ERCC2: variants seen among roughly 807,000 people sequenced by gnomAD.
The protein encoded by ERCC2 is ERCC excision repair 2, TFIIH core complex helicase subunit.
A neutral mutation model predicts 99.4 loss-of-function variants in ERCC2; 90 were observed. That is an observed-to-expected ratio of 0.91 (90% CI 0.76 to 1.08). The LOEUF (loss-of-function observed/expected upper bound fraction) is 1.08, where lower values mean the gene tolerates loss of function less well. ERCC2 is among the 50% of genes least tolerant of loss of function. The probability of loss-of-function intolerance (pLI) is 0.00; values close to 1 mark genes in which losing one functional copy is unlikely to be tolerated. For synonymous variants in ERCC2, 497 were observed against 432.4 expected (o/e 1.15, Z -1.85); for missense variants, 993 against 1,038.1 (o/e 0.96, Z 0.60).
intron 2 of ERCC2, 71 bp downstream of exon 2, chr19:45,370,062 C>G: frequency 7.0e-7 from 1 of 1,426,162 alleles, no homozygotes; most frequent in Non-Finnish European, 9.8e-7. Flanking sequence ...AGACGTCCTG[C>G]AATCTGTCTT....
chr19:45,350,333 C>A lies in ERCC2; in HGVS notation c.*1296G>T. ...CCGAAAAGTTCCCAGACACTCCCTT[C>A]TCCGCAGGCCTCAGCCTACCTGAAA... is the stretch of plus-strand genomic sequence containing the variant. On this transcript the variant is annotated 3_prime_UTR_variant, in exon 23 of 23. Transcript: ENST00000391945. 6.2e-7 allele frequency: 1 copy of A among 1,612,190 alleles called. No individual in the cohort carries two copies. Among genetic ancestry groups the A allele is most frequent in the East Asian group, 2.2e-5 (1 of 44,844 alleles).
chr19:45,360,760 C>T (rs1972191561), intron 12 of ERCC2, among the ~76,000 whole-genome samples: 2 of 152,256 alleles, frequency 1.3e-5, no homozygotes, highest in South Asian at 4.1e-4. Context: ...CTCAGGTCAT[C>T]TGCCTGCCTA....
rs1568531975 is a variant in ERCC2, at chr19:45,352,740, ACT to A, written c.1902+4_1902+5del. 1 of 1,613,744 alleles carries A rather than the reference ACT, an allele frequency of 6.2e-7. No individual in the cohort carries two copies. Among genetic ancestry groups the A allele is most frequent in the South Asian group, 1.1e-5 (1 of 91,070 alleles). ...GTGGGACTCCCTGGGAGACAGAGCT[ACT>A]CACCTTGAGAATGCGGCTCTGTGTG... On this transcript the variant is annotated splice_donor_5th_base_variant and intron_variant, in intron 20 of 22. Transcript: ENST00000391945.
At chr19:45,361,008 G>A (rs1376529489) in intron 12 of ERCC2, among the ~76,000 whole-genome samples, 1 of 152,040 alleles carries the variant, frequency 6.6e-6, no homozygotes, top group African/African-American at 2.4e-5. Context: ...GCATGCGCCT[G>A]TAGTCCCAGA....
chr19:45,362,787 A>C (rs1337269781), intron 11 of ERCC2, among the ~76,000 whole-genome samples: 1 of 152,188 alleles, frequency 6.6e-6, no homozygotes, highest in Non-Finnish European at 1.5e-5. Flanking sequence ...CCCACATGGA[A>C]GGTGGCCTCA....
rs1037671937 is a variant in ERCC2 at position 45,351,562 on chromosome 19, G to A, written c.*67C>T. The A allele has an allele frequency of 6.2e-5, 100 of 1,608,974 alleles. No homozygotes were observed. The highest frequency in any genetic ancestry group is 8.0e-5 in the African/African-American group (6 of 74,900). On this transcript the variant is annotated 3_prime_UTR_variant, in exon 23 of 23. Transcript: ENST00000391945. ...CATAAGACCTTCTAGCACCACCGCC[G>A]CTGGGAACCAGGGCCAGGCAAGACT...
At chr19:45,360,226 GCC>G (rs1568538901) in intron 12 of ERCC2, among the ~76,000 whole-genome samples, 1 of 151,174 alleles carries the variant, frequency 6.6e-6, no homozygotes, top group East Asian at 1.9e-4. Flanking sequence ...GACTACAGGC[GCC>G]CGCCACCACG....
chr19:45,355,576 A>G (rs1278072212), intron 16 of ERCC2, 89 bp downstream of exon 16: 1 of 1,169,368 alleles, frequency 8.6e-7, no homozygotes, highest in Non-Finnish European at 1.3e-6. Flanking sequence ...AAGGCCAGGG[A>G]TATTTGTTAC....
At chr19:45,370,299 GTCGTC>G in intron 1 of ERCC2, 67 bp from the exon 2 acceptor site, 19 of 1,585,814 alleles carry the variant, frequency 1.2e-5, no homozygotes, top group Non-Finnish European at 1.6e-5. Context: ...ACAGTGCCCG[GTCGTC>G]GAGCCCAGAG....
Position 45,351,026 on chromosome 19 carries a change from G to A in ERCC2, c.*603C>T, listed in dbSNP as rs1971736274. On this transcript the variant is annotated 3_prime_UTR_variant, in exon 23 of 23. Coordinates refer to ENST00000391945, the MANE Select transcript of ERCC2 (RefSeq NM_000400.4). ...GGGCTCCTGGGACTCAGGTGAGGGG[G>A]ACATCTGGGTCAAAAATAGAGGAGG... is the stretch of plus-strand genomic sequence containing the variant. 2 of 1,614,110 alleles carry A rather than the reference G, an allele frequency of 1.2e-6. No individual in the cohort carries two copies. The highest frequency in any genetic ancestry group is 1.7e-6 in the Non-Finnish European group (2 of 1,180,002).
rs1444441690 is a variant in ERCC2, at chr19:45,369,192, C to G, written c.106-45G>C. The G allele has an allele frequency of 5.9e-6, 9 of 1,535,102 alleles. No individual in the cohort carries two copies. In the Admixed American group the frequency reaches 1.5e-4, roughly 26 times the overall value. ...GGGGCAACACACAGGGTCTCAGAAC[C>G]TTGGGCACACAAACTCTGGGGACTC... On this transcript the variant is annotated intron_variant, in intron 2 of 22. Coordinates refer to ENST00000391945, the MANE Select transcript of ERCC2 (RefSeq NM_000400.4).
intron 12 of ERCC2, 21 bp from the exon 13 acceptor site, chr19:45,357,720 G>C: frequency 1.2e-6 from 2 of 1,610,674 alleles, no homozygotes; most frequent in Non-Finnish European, 1.7e-6. Flanking sequence ...CAGGCAAGGA[G>C]GGGTGAGATT....
At chr19:45,365,747 T>C (rs1972405289) in intron 5 of ERCC2, among the ~76,000 whole-genome samples, 1 of 151,206 alleles carries the variant, frequency 6.6e-6, no homozygotes, top group Admixed American at 6.6e-5. Context: ...GCCGAGATCA[T>C]GCCACTGTAC....
At chr19:45,352,694 T>G (rs773482947) in intron 20 of ERCC2, 45 bp from the exon 21 acceptor site, 2 of 1,613,642 alleles carry the variant, frequency 1.2e-6, no homozygotes, top group East Asian at 2.2e-5. Flanking sequence ...GGGGAGCCAC[T>G]CCTCCCTTGA....
In ERCC2 at chr19:45,361,927, TTTTTTC is replaced by T. The variant is rs1972237679; in HGVS notation, c.1119-291_1119-286del. The T allele has an allele frequency of 7.2e-6, 3 of 415,912 alleles. 1 individual carries two copies. The highest frequency in any genetic ancestry group is 7.0e-5 in the South Asian group (3 of 43,032). 25.8% of individuals were successfully genotyped at this position (415,912 alleles called of 1,614,324 possible). A position where few individuals can be genotyped will look rare whatever the true frequency, so the allele number is the denominator to read the frequency against. On this transcript the variant is annotated intron_variant, in intron 11 of 22. Coordinates refer to ENST00000391945, the MANE Select transcript of ERCC2 (RefSeq NM_000400.4). ...TAGCACGACCTCCTAAGTGGGTTCT[TTTTTTC>T]TTTTTCTTTTTTTTCTTTGTTCAGA...
At chr19:45,357,876 T>C (rs562041910) in intron 12 of ERCC2, 177 bp from the exon 13 acceptor site, 28 of 665,702 alleles carry the variant, frequency 4.2e-5, no homozygotes, top group Non-Finnish European at 6.8e-5. Flanking sequence ...GAGTCCAAAA[T>C]ACACCCCAAC....
chr19:45,370,263 G>T (rs1349368989), intron 1 of ERCC2, 31 bp from the exon 2 acceptor site: 3 of 1,610,276 alleles, frequency 1.9e-6, no homozygotes. Flanking sequence ...GTCAGTTCCC[G>T]TCCCCTCAGC....
intron 5 of ERCC2, 69 bp downstream of exon 5, chr19:45,368,560 GA>G: frequency 1.0e-6 from 1 of 1,004,348 alleles, no homozygotes; most frequent in Non-Finnish European, 1.6e-6. Flanking sequence ...GGGGATCCAG[GA>G]CTTGTGGTTG....
intron 22 of ERCC2, among the ~76,000 whole-genome samples, 154 bp downstream of exon 22, chr19:45,352,055 C>G (rs2123220223): frequency 6.6e-6 from 1 of 152,286 alleles, no homozygotes; most frequent in Middle Eastern, 3.4e-3. Context: ...CCCCCTTCCC[C>G]CCAGAGCCTG....
Sources: gnomAD v4.1 joint callset for allele counts (sites outside exome capture counted in the v4.1 genomes callset) on GRCh38, gnomAD v4.1.1 for gene constraint, MANE v1.5 for transcripts, NCBI Gene and HGNC (gene_info 2026-07-23, HGNC 2026-07-21) for gene names.